Variants in SLC25A26 observed in about 807,000 individuals in gnomAD.
SLC25A26 encodes solute carrier family 25 member 26.
In SLC25A26, 36 loss-of-function variants were observed where a neutral mutation model predicts 37.8. That is an observed-to-expected ratio of 0.95 (90% CI 0.73 to 1.26). The LOEUF (loss-of-function observed/expected upper bound fraction) is 1.26, where lower values mean the gene tolerates loss of function less well. Among genes scored for constraint, SLC25A26 ranks in the 50% most tolerant of loss-of-function variants. SLC25A26 has a pLI of 0.00. For missense variants in SLC25A26, 390 were observed against 331.1 expected (o/e 1.18, Z -1.38); for synonymous variants, 129 against 122.5 (o/e 1.05, Z -0.35).
chr3:66,310,671 T>C (rs2075352380), intron 5 of SLC25A26, among the ~76,000 whole-genome samples: 1 of 152,234 alleles, frequency 6.6e-6, no homozygotes, highest in Non-Finnish European at 1.5e-5. Flanking sequence ...TCAGGAGCTC[T>C]TGTAAGGCAG....
At chr3:66,344,335 T>C (rs1010174608) in intron 5 of SLC25A26, among the ~76,000 whole-genome samples, 7 of 152,042 alleles carry the variant, frequency 4.6e-5, no homozygotes, top group African/African-American at 1.7e-4. Context: ...TGGTGGCACA[T>C]ACCTGTAATC....
chr3:66,154,774 G>T (rs1026963412), intron 1 of SLC25A26, among the ~76,000 whole-genome samples: 5 of 152,094 alleles, frequency 3.3e-5, no homozygotes, highest in African/African-American at 9.7e-5. Flanking sequence ...AAGCCACAGC[G>T]CCCGGCGGGC....
At chr3:66,307,658 T>A (rs1005704523) in intron 5 of SLC25A26, among the ~76,000 whole-genome samples, 1 of 152,228 alleles carries the variant, frequency 6.6e-6, no homozygotes, top group African/African-American at 2.4e-5. Context: ...AAGTCTTACA[T>A]CTTGAGTTAA....
intron 1 of SLC25A26, among the ~76,000 whole-genome samples, chr3:66,206,421 A>G (rs939810268): frequency 2.6e-5 from 4 of 152,188 alleles, no homozygotes; most frequent in Admixed American, 1.3e-4. Flanking sequence ...TGCCAAGTAC[A>G]TAGACTGTAT....
chr3:66,326,830 G>C (rs1224429488), intron 5 of SLC25A26, among the ~76,000 whole-genome samples: 2 of 152,126 alleles, frequency 1.3e-5, no homozygotes, highest in East Asian at 3.9e-4. Flanking sequence ...GTAATTAATG[G>C]CAGAAAGCCC....
At position 66,378,126 on chromosome 3, in the gene SLC25A26, A is replaced by G. The variant is rs571132506; in HGVS notation, c.*319A>G. ...TCATTTGATCTGTATCTGATCTTTC[A>G]TTTCCTGCCACCTGATGGTGGATTC... On this transcript the variant is annotated 3_prime_UTR_variant, in exon 10 of 10. Transcript: ENST00000354883. The G allele has an allele frequency of 9.4e-6, 2 of 212,010 alleles. No individual in the cohort carries two copies. Among genetic ancestry groups the G allele is most frequent in the South Asian group, 3.5e-4 (2 of 5,744 alleles). The allele number at this position is 212,010 out of a possible 1,614,324, so 13.1% of individuals were successfully genotyped here. A position where few individuals can be genotyped will look rare whatever the true frequency, so the allele number is the denominator to read the frequency against.
intron 5 of SLC25A26, among the ~76,000 whole-genome samples, chr3:66,342,298 C>T (rs922412691): frequency 1.3e-4 from 20 of 152,102 alleles, no homozygotes; most frequent in African/African-American, 3.6e-4. Flanking sequence ...CTGCCAATGA[C>T]GAAAGCTTTT....
In SLC25A26 at chr3:66,346,381, C is replaced by A; in HGVS notation, c.471C>A (p.Val157=). 1 of 1,485,090 alleles carries A rather than the reference C, an allele frequency of 6.7e-7. No individual in the cohort carries two copies. The highest frequency in any genetic ancestry group is 1.4e-5 in the South Asian group (1 of 71,984). 92.0% of individuals were successfully genotyped at this position (1,485,090 alleles called of 1,614,324 possible). Residue 157 remains valine (V), a synonymous_variant, in exon 6 of 10, where the codon GTC becomes GTA. Coordinates refer to ENST00000354883, the MANE Select transcript of SLC25A26 (RefSeq NM_001379210.1). ...CTCTTCAGATTCCTTTTTCTTTGGT[C>A]CAGTTTCCCTTATGGGAGTCCTTAA... ...TVLREIPFSL[V]QFPLWESLKA...
intron 5 of SLC25A26, among the ~76,000 whole-genome samples, chr3:66,326,137 C>T (rs2075831702): frequency 6.6e-6 from 1 of 152,136 alleles, no homozygotes; most frequent in Admixed American, 6.5e-5. Context: ...ATTGGCTGAG[C>T]TCAGGAACCC....
Position 66,209,898 on chromosome 3 carries a change from T to TTATATATATATATATATATA in SLC25A26, c.-353-10814_-353-10795dup. ...TATACTCCTCTCTCTCTCTCTCTAT[T>TTATATATATATATATATATA]TATATATATATATATATATATATAT... is the stretch of plus-strand genomic sequence containing the variant. On this transcript the variant is annotated intron_variant, in intron 1 of 10. Coordinates refer to the SLC25A26 transcript ENST00000676754. Among the ~76,000 whole-genome samples, 10 of 38,604 alleles carry TTATATATATATATATATATA rather than the reference T, an allele frequency of 2.6e-4. 2 individuals carry two copies. The highest frequency in any genetic ancestry group is 4.5e-4 in the Non-Finnish European group (9 of 19,902). The allele number at this position is 38,604 out of a possible 152,430, so 25.3% of individuals were successfully genotyped here.
At chr3:66,221,665 G>A (rs1452541922) in intron 1 of SLC25A26, among the ~76,000 whole-genome samples, 1 of 151,636 alleles carries the variant, frequency 6.6e-6, no homozygotes, top group Non-Finnish European at 1.5e-5. Flanking sequence ...ATAGCTCATC[G>A]GGAACGCTGC....
intron 5 of SLC25A26, among the ~76,000 whole-genome samples, chr3:66,268,268 C>T (rs2073832515): frequency 1.3e-5 from 2 of 152,150 alleles, no homozygotes; most frequent in African/African-American, 4.8e-5. Context: ...AGGTTACATA[C>T]CACAAGTAGA....
intron 6 of SLC25A26, among the ~76,000 whole-genome samples, chr3:66,352,316 CA>C (rs2076471493): frequency 6.6e-6 from 1 of 152,160 alleles, no homozygotes; most frequent in South Asian, 2.1e-4. Context: ...GCTGGCAAGG[CA>C]CTCTGTAATC....
At chr3:66,192,928 C>G (rs2106794562) in intron 1 of SLC25A26, among the ~76,000 whole-genome samples, 1 of 151,870 alleles carries the variant, frequency 6.6e-6, no homozygotes, top group Non-Finnish European at 1.5e-5. Flanking sequence ...TACTTTCTAT[C>G]CTGTAGATGT....
chr3:66,175,768 G>T (rs1408822097), intron 1 of SLC25A26, among the ~76,000 whole-genome samples: 1 of 152,212 alleles, frequency 6.6e-6, no homozygotes, highest in African/African-American at 2.4e-5. Flanking sequence ...CTCTAGGGAG[G>T]GCTAACCTTC....
At chr3:66,256,033 A>G (rs1214793778) in intron 3 of SLC25A26, among the ~76,000 whole-genome samples, 4 of 152,242 alleles carry the variant, frequency 2.6e-5, no homozygotes, top group Admixed American at 1.3e-4. Flanking sequence ...ATGAAGTTCC[A>G]TAAATATTTA....
At chr3:66,348,775 G>A (rs938651089) in intron 6 of SLC25A26, among the ~76,000 whole-genome samples, 1 of 152,034 alleles carries the variant, frequency 6.6e-6, no homozygotes, top group African/African-American at 2.4e-5. Flanking sequence ...TAGTTTTTTG[G>A]CTCTTTTGTT....
chr3:66,273,804 C>A (rs76290340), intron 5 of SLC25A26, among the ~76,000 whole-genome samples: 1 of 151,844 alleles, frequency 6.6e-6, no homozygotes, highest in African/African-American at 2.4e-5. Flanking sequence ...GAATCAATAT[C>A]GTGAAAATGG....
chr3:66,153,630 A>G (rs1231199232), intron 1 of SLC25A26, among the ~76,000 whole-genome samples: 1 of 152,242 alleles, frequency 6.6e-6, no homozygotes, highest in East Asian at 1.9e-4. Context: ...ACCCAGGCAA[A>G]GTCCAGAAAT....
Sources: allele counts gnomAD v4.1 joint callset (sites outside exome capture counted in the v4.1 genomes callset), GRCh38; gene constraint gnomAD v4.1.1; transcripts MANE v1.5; gene names NCBI Gene and HGNC (gene_info 2026-07-23, HGNC 2026-07-21).